Variants in COL23A1 observed in about 807,000 individuals in gnomAD.
The protein encoded by COL23A1 is collagen type XXIII alpha 1 chain.
Under a neutral mutation model 99.3 loss-of-function variants are expected in COL23A1, and 97 were observed. The observed-to-expected ratio is 0.98, with a 90% CI of 0.83 to 1.16. COL23A1 has a LOEUF of 1.16. Among genes scored for constraint, COL23A1 ranks in the 50% most tolerant of loss-of-function variants. The pLI is 0.00. For synonymous variants in COL23A1, 320 were observed against 308.2 expected (o/e 1.04, Z -0.40); for missense variants, 762 against 757.4 (o/e 1.01, Z -0.07).
chr5:178,507,332 G>A (rs1283110999), intron 2 of COL23A1, among the ~76,000 whole-genome samples: 5 of 152,132 alleles, frequency 3.3e-5, no homozygotes, highest in Non-Finnish European at 2.9e-5. Flanking sequence ...AGAAACTTCC[G>A]ATCTTTAGCT....
At chr5:178,441,329 C>T (rs1766853605) in intron 2 of COL23A1, among the ~76,000 whole-genome samples, 1 of 152,142 alleles carries the variant, frequency 6.6e-6, no homozygotes, top group African/African-American at 2.4e-5. Context: ...AATACATACA[C>T]GTGCATTTTT....
At chr5:178,460,372 G>A (rs921980182) in intron 2 of COL23A1, among the ~76,000 whole-genome samples, 1 of 151,064 alleles carries the variant, frequency 6.6e-6, no homozygotes, top group Admixed American at 6.6e-5. Flanking sequence ...CAGTAGGATG[G>A]ACCAGCCGTC....
chr5:178,343,555 A>T (rs1396807446), intron 2 of COL23A1, among the ~76,000 whole-genome samples: 1 of 152,072 alleles, frequency 6.6e-6, no homozygotes, highest in Admixed American at 6.5e-5. Flanking sequence ...AGGGGTGTGG[A>T]TGGGATACAG....
intron 2 of COL23A1, among the ~76,000 whole-genome samples, chr5:178,489,422 C>T (rs901687508): frequency 1.3e-5 from 2 of 152,236 alleles, no homozygotes; most frequent in African/African-American, 4.8e-5. Context: ...GCCACGTTAC[C>T]GGCTCCTCTG....
At chr5:178,338,025 T>G (rs73346819) in intron 2 of COL23A1, among the ~76,000 whole-genome samples, 1 of 152,038 alleles carries the variant, frequency 6.6e-6, no homozygotes, top group African/African-American at 2.4e-5. Flanking sequence ...CACTGTTATC[T>G]CCATGTTAGA....
At chr5:178,524,327 G>A (rs557904212) in intron 2 of COL23A1, among the ~76,000 whole-genome samples, 1 of 152,334 alleles carries the variant, frequency 6.6e-6, no homozygotes, top group African/African-American at 2.4e-5. Context: ...CCAGTGGAAA[G>A]AGACCCTCTC....
chr5:178,333,786 C>G (rs973085669), intron 2 of COL23A1, among the ~76,000 whole-genome samples: 2 of 152,164 alleles, frequency 1.3e-5, no homozygotes, highest in Non-Finnish European at 2.9e-5. Context: ...TCAAGAGCAT[C>G]CATCCTGGTA....
In COL23A1 at chr5:178,551,142, A is replaced by T. The variant is rs974879549; in HGVS notation, c.361+9540T>A. 1.2e-3 allele frequency among the ~76,000 whole-genome samples: 182 copies of T among 148,178 alleles called. 2 individuals are homozygous for T. Among genetic ancestry groups the T allele is most frequent in the African/African-American group, 4.1e-3 (168 of 40,878 alleles). On this transcript the variant is annotated intron_variant, in intron 2 of 28. Coordinates refer to ENST00000390654, the MANE Select transcript of COL23A1 (RefSeq NM_173465.4). ...TCTAGTAATTTTAAAATATATATTA[A>T]TATATTATATGTTATATATTATATT... is the stretch of plus-strand genomic sequence containing the variant.
chr5:178,452,865 G>A (rs1422153088), intron 2 of COL23A1, among the ~76,000 whole-genome samples: 3 of 152,176 alleles, frequency 2.0e-5, no homozygotes, highest in Admixed American at 6.5e-5. Context: ...GTCAATGTCC[G>A]TCAAAATCAG....
intron 2 of COL23A1, among the ~76,000 whole-genome samples, chr5:178,350,609 G>A (rs1761267381): frequency 1.3e-5 from 2 of 152,208 alleles, no homozygotes; most frequent in South Asian, 2.1e-4. Context: ...GGTTCCAAGA[G>A]CCACAGAGGA....
At chr5:178,542,294 G>T (rs961568396) in intron 2 of COL23A1, among the ~76,000 whole-genome samples, 1 of 152,152 alleles carries the variant, frequency 6.6e-6, no homozygotes, top group Admixed American at 6.5e-5. Flanking sequence ...GCCTCCCAAA[G>T]TGCTGGGATT....
chr5:178,534,977 T>C (rs1233561944), intron 2 of COL23A1, among the ~76,000 whole-genome samples: 1 of 150,642 alleles, frequency 6.6e-6, no homozygotes, highest in African/African-American at 2.4e-5. Flanking sequence ...TTTTTCTTTT[T>C]TTTTTTTTTT....
At chr5:178,431,723 A>G (rs1030347590) in intron 2 of COL23A1, among the ~76,000 whole-genome samples, 1 of 152,242 alleles carries the variant, frequency 6.6e-6, no homozygotes, top group Non-Finnish European at 1.5e-5. Context: ...TCAGCCTTTC[A>G]AAAGACTCAT....
chr5:178,543,120 T>C (rs548910), intron 2 of COL23A1, among the ~76,000 whole-genome samples: 1,696 of 152,106 alleles, frequency 0.011, 30 homozygotes, highest in African/African-American at 0.039. Context: ...GTTTTTTTTT[T>C]TTTTGAGCCG....
chr5:178,311,878 G>A (rs1011161661), intron 2 of COL23A1, among the ~76,000 whole-genome samples: 2 of 151,978 alleles, frequency 1.3e-5, no homozygotes, highest in African/African-American at 2.4e-5. Context: ...CCACAGGCAC[G>A]CGCCACCATG....
chr5:178,367,531 C>T (rs1309409564), intron 2 of COL23A1, among the ~76,000 whole-genome samples: 1 of 152,108 alleles, frequency 6.6e-6, no homozygotes, highest in Non-Finnish European at 1.5e-5. Context: ...GCCTCACCAC[C>T]GTGTTGAATG....
chr5:178,585,579 A>G lies in COL23A1; in HGVS notation c.294+4325T>C, dbSNP rs866428081. 4.7e-4 allele frequency among the ~76,000 whole-genome samples: 64 copies of G among 136,460 alleles called. 1 individual carries two copies. Among genetic ancestry groups the G allele is most frequent in the African/African-American group, 1.8e-3 (55 of 29,852 alleles). 89.5% of individuals were successfully genotyped at this position (136,460 alleles called of 152,430 possible). Reference sequence around the variant, plus strand: ...GTTGATGCTGGGGGTAACACTCCACAGCCCTGGATGGCGCTGGGGTAACAC... The same window carrying G: ...GTTGATGCTGGGGGTAACACTCCACGGCCCTGGATGGCGCTGGGGTAACAC... On this transcript the variant is annotated intron_variant, in intron 1 of 28. Transcript: ENST00000390654.
At chr5:178,327,007 T>A (rs184010502) in intron 2 of COL23A1, among the ~76,000 whole-genome samples, 1 of 152,248 alleles carries the variant, frequency 6.6e-6, no homozygotes, top group African/African-American at 2.4e-5. Flanking sequence ...CGTGAGCCAC[T>A]GCACCGGGCC....
chr5:178,362,096 A>C (rs1398071318), intron 2 of COL23A1, among the ~76,000 whole-genome samples: 2 of 152,226 alleles, frequency 1.3e-5, no homozygotes, highest in Admixed American at 6.5e-5. Flanking sequence ...CCTAGGTCCA[A>C]CTTTTAGCGG....
Sources: allele counts gnomAD v4.1 joint callset (sites outside exome capture counted in the v4.1 genomes callset), GRCh38; gene constraint gnomAD v4.1.1; transcripts MANE v1.5; gene names NCBI Gene and HGNC (gene_info 2026-07-23, HGNC 2026-07-21).